The following SAXO1 variants were observed in gnomAD, a reference collection of about 807,000 sequenced individuals.
The protein encoded by SAXO1 is 4930500O09Rik.
SAXO1 carries 21 observed loss-of-function variants against 17.5 expected under a neutral mutation model. The ratio of observed to expected loss-of-function variants is 1.20; its 90% CI spans 0.85 to 1.72. The LOEUF is 1.72. Among genes scored for constraint, SAXO1 ranks in the 40% most tolerant of loss-of-function variants. The probability of loss-of-function intolerance (pLI) is 0.00; values close to 1 mark genes in which losing one functional copy is unlikely to be tolerated. For missense variants in SAXO1, 843 were observed against 596.0 expected, an observed-to-expected ratio of 1.41 and a Z score of -4.32; for synonymous variants, 274 against 216.5, an observed-to-expected ratio of 1.27 and a Z score of -2.33.
chr9:19,030,543 T>C (rs969168393), intron 1 of SAXO1, among the ~76,000 whole-genome samples: 1 of 151,888 alleles, frequency 6.6e-6, no homozygotes, highest in Admixed American at 6.6e-5. Context: ...CCATCTCTAC[T>C]AAAAATGCAA....
At chr9:18,978,371 C>T (rs990535500) in intron 1 of SAXO1, among the ~76,000 whole-genome samples, 11 of 152,192 alleles carry the variant, frequency 7.2e-5, no homozygotes, top group Admixed American at 7.2e-4. Flanking sequence ...CCCCAGAAAA[C>T]CAAACATCTG....
rs536683442 is a variant in SAXO1 at position 19,046,858 on chromosome 9, C to G, written c.-158+2351G>C. Among the ~76,000 whole-genome samples, 29 of 151,782 alleles carry G rather than the reference C, an allele frequency of 1.9e-4. No individual in the cohort carries two copies. The South Asian group carries it at 5.6e-3, about 29-fold the overall frequency. The stretch of plus-strand genomic sequence containing the variant: ...TCCAGCCTGGTTGACAGAGAAAGAT[C>G]CTGTCTCTAAAAATAAATTTAAAAA... On this transcript the variant is annotated intron_variant, in intron 1 of 3. Coordinates refer to the SAXO1 transcript ENST00000542071.
chr9:19,023,824 A>G (rs1249993442), intron 1 of SAXO1, among the ~76,000 whole-genome samples: 1 of 151,928 alleles, frequency 6.6e-6, no homozygotes, highest in African/African-American at 2.4e-5. Context: ...GAAAGAAAGG[A>G]AGGAAAGGGA....
chr9:18,981,562 A>G (rs911913337), intron 1 of SAXO1, among the ~76,000 whole-genome samples: 1 of 152,104 alleles, frequency 6.6e-6, no homozygotes, highest in Non-Finnish European at 1.5e-5. Context: ...TGGCCACTTC[A>G]CTAAGCCAGC....
intron 1 of SAXO1, among the ~76,000 whole-genome samples, chr9:19,040,701 A>G (rs1836059360): frequency 1.3e-5 from 2 of 152,238 alleles, no homozygotes; most frequent in East Asian, 3.9e-4. Flanking sequence ...AAAACTATAT[A>G]TTATACAATT....
chr9:18,979,540 T>C (rs888393305), intron 1 of SAXO1, among the ~76,000 whole-genome samples: 1 of 152,158 alleles, frequency 6.6e-6, no homozygotes, highest in Non-Finnish European at 1.5e-5. Context: ...GCCTTTGGCC[T>C]GGGGATATGC....
At chr9:18,939,343 T>C (rs1200731304) in intron 3 of SAXO1, among the ~76,000 whole-genome samples, 1 of 152,210 alleles carries the variant, frequency 6.6e-6, no homozygotes, top group East Asian at 1.9e-4. Flanking sequence ...TATGGACTCC[T>C]GTGTGGTGCC....
Position 18,980,781 on chromosome 9 carries a change from G to GA in SAXO1, c.39-29845dup, listed in dbSNP as rs10640487. 9.4e-3 allele frequency among the ~76,000 whole-genome samples: 787 copies of GA among 83,880 alleles called. 49 individuals carry two copies. Among genetic ancestry groups the GA allele is most frequent in the Middle Eastern group, 0.029 (3 of 104 alleles). 55.0% of individuals were successfully genotyped at this position (83,880 alleles called of 152,430 possible). On this transcript the variant is annotated intron_variant, in intron 1 of 3. Coordinates refer to ENST00000380534, the MANE Select transcript of SAXO1 (RefSeq NM_153707.4). ...AGGAGAAGCATATTTTTAAAAAACT[G>GA]AAAAAAAAAAAAAAAAAAGCCTGGA...
intron 1 of SAXO1, among the ~76,000 whole-genome samples, chr9:18,994,089 T>C (rs1191939655): frequency 6.6e-6 from 1 of 152,216 alleles, no homozygotes; most frequent in African/African-American, 2.4e-5. Flanking sequence ...ATATCAAGTC[T>C]GTTCAAATTT....
At chr9:18,993,656 T>C (rs1244842667) in intron 1 of SAXO1, among the ~76,000 whole-genome samples, 1 of 152,108 alleles carries the variant, frequency 6.6e-6, no homozygotes, top group South Asian at 2.1e-4. Context: ...GGCTCTGCTG[T>C]GGGTAGGATT....
intron 1 of SAXO1, among the ~76,000 whole-genome samples, chr9:18,979,973 C>T (rs577852573): frequency 1.3e-5 from 2 of 152,116 alleles, no homozygotes; most frequent in South Asian, 2.1e-4. Context: ...GACTTAGTGA[C>T]AGACTGTACT....
intron 1 of SAXO1, among the ~76,000 whole-genome samples, chr9:19,008,368 CT>C (rs753730412): frequency 3.3e-4 from 51 of 152,274 alleles, no homozygotes; most frequent in Admixed American, 1.5e-3. Context: ...TTCCACTGAA[CT>C]TCCCTTTGAG....
chr9:18,998,619 A>G (rs2130948571), intron 1 of SAXO1, among the ~76,000 whole-genome samples: 1 of 152,314 alleles, frequency 6.6e-6, no homozygotes. Flanking sequence ...ACAGAACACC[A>G]CAAAGATACT....
intron 1 of SAXO1, among the ~76,000 whole-genome samples, chr9:19,031,853 G>A (rs923032837): frequency 2.0e-5 from 3 of 152,188 alleles, no homozygotes; most frequent in Admixed American, 6.5e-5. Flanking sequence ...ATTGATGCCA[G>A]AGATATAGAA....
chr9:19,048,194 G>A (rs1483416146), intron 1 of SAXO1, among the ~76,000 whole-genome samples: 1 of 152,218 alleles, frequency 6.6e-6, no homozygotes, highest in Non-Finnish European at 1.5e-5. Flanking sequence ...GGCCAGGCAC[G>A]GTGGCTCACG....
chr9:18,937,404 TC>T (rs1232898669), intron 3 of SAXO1, among the ~76,000 whole-genome samples: 2 of 152,224 alleles, frequency 1.3e-5, no homozygotes, highest in Non-Finnish European at 2.9e-5. Context: ...GTTGTGTCAT[TC>T]CCTGTGTTCG....
chr9:18,966,368 A>C (rs959923240), intron 1 of SAXO1, among the ~76,000 whole-genome samples: 8 of 152,164 alleles, frequency 5.3e-5, no homozygotes, highest in African/African-American at 1.9e-4. Flanking sequence ...CGTCACTTTC[A>C]GGTATACCAA....
chr9:18,983,159 T>A (rs1015168703), intron 1 of SAXO1, among the ~76,000 whole-genome samples: 1 of 152,194 alleles, frequency 6.6e-6, no homozygotes. Context: ...TACCTGAGAC[T>A]GAGTAATTTA....
intron 1 of SAXO1, among the ~76,000 whole-genome samples, chr9:18,984,003 T>C (rs1056285654): frequency 6.6e-6 from 1 of 152,222 alleles, no homozygotes; most frequent in Non-Finnish European, 1.5e-5. Flanking sequence ...GGCTGAAGAA[T>C]GGATGTTATG....
Sources: gnomAD v4.1 joint callset for allele counts (sites outside exome capture counted in the v4.1 genomes callset) on GRCh38, gnomAD v4.1.1 for gene constraint, MANE v1.5 for transcripts, NCBI Gene and HGNC (gene_info 2026-07-23, HGNC 2026-07-21) for gene names.